C11orf21: variants seen among roughly 807,000 people sequenced by gnomAD.
C11orf21 encodes the protein chromosome 11 open reading frame 21.
C11orf21 carries 19 observed loss-of-function variants against 15.2 expected under a neutral mutation model. That is an observed-to-expected ratio of 1.25 (90% confidence interval 0.87 to 1.84). C11orf21 has a LOEUF of 1.84. Among genes scored for constraint, C11orf21 ranks in the 40% most tolerant of loss-of-function variants. The probability of loss-of-function intolerance (pLI) is 0.00; values close to 1 mark genes in which losing one functional copy is unlikely to be tolerated. For synonymous variants in C11orf21, 62 were observed against 66.8 expected, an observed-to-expected ratio of 0.93 and a Z score of 0.35; for missense variants, 171 against 174.4, an observed-to-expected ratio of 0.98 and a Z score of 0.11.
At chr11:2,301,715 G>C (rs1205133410) in intron 1 of C11orf21, 41 bp downstream of exon 1, 22 of 1,497,970 alleles carry the variant, frequency 1.5e-5, no homozygotes, top group Non-Finnish European at 2.0e-5. Flanking sequence ...CGCCCCCAAG[G>C]CCCAGTCCAC....
chr11:2,299,632 C>G lies in C11orf21; in HGVS notation c.223G>C (p.Ala75Pro). The G allele has an allele frequency of 6.4e-7, 1 of 1,551,094 alleles. No homozygotes were observed. The highest frequency in any genetic ancestry group is 8.7e-7 in the Non-Finnish European group (1 of 1,146,934). ...AHGALVPPAT[A>P]HEPVDHPALH... ...GCTGGGTGATCCACAGGTTCATGAG[C>G]GGTGGCAGGTGGAACAAGGGCACCA... The change falls in exon 3 of 4, where the codon GCT becomes CCT. Residue 75 changes from alanine (A) to proline (P), a missense_variant. Transcript: ENST00000381153.
At chr11:2,300,888 C>A (rs936816908) in intron 1 of C11orf21, 2 of 872,608 alleles carry the variant, frequency 2.3e-6, no homozygotes, top group South Asian at 1.6e-5. Flanking sequence ...CTTGTTGCCA[C>A]CCCTACATTC....
At chr11:2,302,267 G>T, upstream of C11orf21, 1 of 1,347,812 alleles carries the variant, frequency 7.4e-7, no homozygotes, top group Non-Finnish European at 9.6e-7. Flanking sequence ...GAGCAGGGGT[G>T]AGGGGTGGCA....
upstream of C11orf21, chr11:2,302,784 C>T (rs757864904): frequency 2.1e-5 from 31 of 1,451,638 alleles, no homozygotes; most frequent in Admixed American, 5.4e-5. Context: ...CCGCTGGGGC[C>T]GAGCTCCCTG....
intron 1 of C11orf21, 103 bp from the exon 2 acceptor site, chr11:2,300,716 C>T (rs1368208777): frequency 3.9e-6 from 6 of 1,550,740 alleles, no homozygotes; most frequent in African/African-American, 1.4e-5. Context: ...GCGGGTGGTG[C>T]TCCAGGCCCG....
chr11:2,299,842 C>A, intron 2 of C11orf21, 135 bp from the exon 3 acceptor site: 1 of 463,424 alleles, frequency 2.2e-6, no homozygotes, highest in Non-Finnish European at 3.6e-6. Context: ...GCACACGCAT[C>A]CACGCCTGCA....
intron 1 of C11orf21, chr11:2,301,355 C>G: frequency 5.2e-6 from 1 of 190,536 alleles, no homozygotes; most frequent in Non-Finnish European, 1.1e-5. Flanking sequence ...AACATTTTCA[C>G]CCTCTTCAGG....
At chr11:2,302,160 G>C, upstream of C11orf21, 4 of 1,442,206 alleles carry the variant, frequency 2.8e-6, no homozygotes, top group Non-Finnish European at 3.7e-6. Flanking sequence ...ATGGGGCCTT[G>C]GAGTCGAGTC....
upstream of C11orf21, chr11:2,302,192 C>T (rs1228507540): frequency 1.4e-6 from 2 of 1,401,202 alleles, no homozygotes; most frequent in East Asian, 2.6e-5. Flanking sequence ...ATGCCAGATG[C>T]TGGTCACCTG....
At chr11:2,299,277 C>T (rs1589783524) in intron 3 of C11orf21, 151 bp downstream of exon 3, 2 of 784,792 alleles carry the variant, frequency 2.5e-6, no homozygotes, top group Non-Finnish European at 3.9e-6. Context: ...GATTCAGGTG[C>T]CCGCGTGGCC....
intron 1 of C11orf21, chr11:2,300,849 C>T (rs978545000): frequency 1.3e-5 from 17 of 1,332,606 alleles, no homozygotes; most frequent in African/African-American, 2.9e-5. Context: ...GCCCGGGGGC[C>T]TCCTGCCCCT....
chr11:2,303,035 C>A, upstream of C11orf21: 2 of 1,340,388 alleles, frequency 1.5e-6, no homozygotes, highest in Non-Finnish European at 2.1e-6. Flanking sequence ...CAGCTGGACG[C>A]CTCACAGCCA....
Position 2,301,845 on chromosome 11 carries a change from A to T in C11orf21, c.-37T>A, listed in dbSNP as rs1391778007. Reference sequence around the variant, plus strand: ...TCTCAGCGCCGTCCTCAGTGGCCACACCAAGAACGAGGCCATGTCTTCCTG... The same window carrying T: ...TCTCAGCGCCGTCCTCAGTGGCCACTCCAAGAACGAGGCCATGTCTTCCTG... On this transcript the variant is annotated 5_prime_UTR_variant, in exon 1 of 4. Coordinates refer to ENST00000381153, the MANE Select transcript of C11orf21 (RefSeq NM_001329958.2). 4.5e-6 allele frequency: 7 copies of T among 1,550,426 alleles called. No individual in the cohort carries two copies. The highest frequency in any genetic ancestry group is 6.1e-6 in the Non-Finnish European group (7 of 1,146,942).
chr11:2,299,008 G>A (rs1000135988), intron 3 of C11orf21, among the ~76,000 whole-genome samples: 4 of 152,178 alleles, frequency 2.6e-5, no homozygotes, highest in African/African-American at 7.2e-5. Context: ...CCTTGGTTGG[G>A]AGCAGAGCAG....
intron 2 of C11orf21, 122 bp from the exon 3 acceptor site, chr11:2,299,829 T>TCTGCACACGCATCCACGG (rs1361909488): frequency 8.9e-4 from 549 of 614,412 alleles, no homozygotes; most frequent in Non-Finnish European, 1.2e-3. Flanking sequence ...CACATCCACG[T>TCTGCACACGCATCCACGG]CTGCACACGC....
chr11:2,303,077 G>A, upstream of C11orf21: 1 of 916,356 alleles, frequency 1.1e-6, no homozygotes, highest in South Asian at 1.6e-5. Flanking sequence ...AGGAGCCAGA[G>A]GTGGTCAGGG....
At chr11:2,302,659 G>T (rs570184736), upstream of C11orf21, 208 of 605,862 alleles carry the variant, frequency 3.4e-4, 1 homozygote, top group African/African-American at 1.3e-3. Flanking sequence ...CTGTGAGTGT[G>T]CTGGGGCGTC....
chr11:2,300,591 A>G lies in C11orf21; in HGVS notation c.76T>C (p.Leu26=). Residue 26 remains leucine (L), a synonymous_variant, in exon 2 of 4, where the codon TTG becomes CTG. Transcript: ENST00000381153. ...RRSAVPRWPH[L]SSQSGVEPPD... ...GGTTCGACGCCACTTTGAGATGACA[A>G]GTGAGGCCACCTGGGCACAGCGCTG... 4 of 1,550,242 alleles carry G rather than the reference A, an allele frequency of 2.6e-6. No individual in the cohort carries two copies. Among genetic ancestry groups the G allele is most frequent in the Non-Finnish European group, 3.5e-6 (4 of 1,146,718 alleles).
In C11orf21 at chr11:2,295,805, GAAT is replaced by G. The variant is rs1219994006; in HGVS notation, c.*2142_*2144del. ...GATGTATCACAGTAATTCAAGATAT[GAAT>G]AATAAGGGAAACTGTGTGTAGGGAG... On this transcript the variant is annotated 3_prime_UTR_variant, in exon 4 of 4. Coordinates refer to ENST00000381153, the MANE Select transcript of C11orf21 (RefSeq NM_001329958.2). The surrounding 1 kb of genome is among the most constrained non-coding windows in gnomAD (Gnocchi z 5.4). 1.3e-5 allele frequency: 2 copies of G among 152,168 alleles called. No individual in the cohort carries two copies. The highest frequency in any genetic ancestry group is 2.9e-5 in the Non-Finnish European group (2 of 68,032). The allele number at this position is 152,168 out of a possible 1,614,324, so 9.4% of individuals were successfully genotyped here.
Sources: gnomAD v4.1 joint callset for allele counts (sites outside exome capture counted in the v4.1 genomes callset) on GRCh38, gnomAD v4.1.1 for gene constraint, Gnocchi (gnomAD v3.1) non-coding constraint, MANE v1.5 for transcripts, NCBI Gene and HGNC (gene_info 2026-07-23, HGNC 2026-07-21) for gene names.